AADAT: variants seen among roughly 807,000 people sequenced by gnomAD.
The protein encoded by AADAT is kynurenine/alpha-aminoadipate aminotransferase, mitochondrial.
A neutral mutation model predicts 56.2 loss-of-function variants in AADAT; 25 were observed. That is an observed-to-expected ratio of 0.44 (90% CI 0.32 to 0.62). The LOEUF is 0.62. Among genes scored for constraint, AADAT ranks in the 20% least tolerant of loss-of-function variants. The pLI is 0.04. For synonymous variants in AADAT, 173 were observed against 164.7 expected (o/e 1.05, Z -0.39); for missense variants, 387 against 510.5 (o/e 0.76, Z 2.33).
chr4:170,071,991 A>G (rs936871820), intron 5 of AADAT, among the ~76,000 whole-genome samples: 22 of 152,084 alleles, frequency 1.4e-4, no homozygotes, highest in African/African-American at 5.3e-4. Flanking sequence ...TGGGCATGTT[A>G]AGTGTGAAAT....
At chr4:170,087,080 T>C (rs1342029464) in intron 3 of AADAT, 36 bp downstream of exon 3, 2 of 1,611,936 alleles carry the variant, frequency 1.2e-6, no homozygotes, top group South Asian at 1.1e-5. Flanking sequence ...ATGCTTCCAA[T>C]TCTACATTTT....
intron 3 of AADAT, among the ~76,000 whole-genome samples, chr4:170,084,178 A>C (rs557511884): frequency 6.6e-6 from 1 of 152,310 alleles, no homozygotes; most frequent in African/African-American, 2.4e-5. Context: ...GTGGGAGCTA[A>C]AAAAGTGGAT....
At chr4:170,087,002 A>G in intron 3 of AADAT, 114 bp downstream of exon 3, 3 of 1,411,074 alleles carry the variant, frequency 2.1e-6, no homozygotes, top group Non-Finnish European at 2.9e-6. Context: ...GGTGAAGACA[A>G]GAAAGACTAC....
At chr4:170,067,232 TAGGA>T (rs952708248) in intron 9 of AADAT, 91 bp downstream of exon 9, 8 of 927,700 alleles carry the variant, frequency 8.6e-6, no homozygotes, top group African/African-American at 6.7e-5. Flanking sequence ...CGAGGATACT[TAGGA>T]AGGAAGAATA....
chr4:170,073,025 T>C (rs1731848963), intron 5 of AADAT, 111 bp downstream of exon 5: 2 of 993,984 alleles, frequency 2.0e-6, no homozygotes, highest in East Asian at 5.0e-5. Flanking sequence ...TATTAAAAAT[T>C]ATATTCCTTG....
chr4:170,080,165 T>C (rs1289692160), intron 3 of AADAT, among the ~76,000 whole-genome samples: 3 of 151,984 alleles, frequency 2.0e-5, no homozygotes, highest in Admixed American at 6.6e-5. Flanking sequence ...CTAACAAATA[T>C]ACAGTGCTAA....
chr4:170,077,769 T>G (rs1732107634), intron 4 of AADAT, among the ~76,000 whole-genome samples: 1 of 152,234 alleles, frequency 6.6e-6, no homozygotes, highest in Admixed American at 6.5e-5. Flanking sequence ...CCTAAGGTCA[T>G]GTACAAATAA....
chr4:170,092,490 A>G (rs1322322398), upstream of AADAT, among the ~76,000 whole-genome samples: 1 of 152,202 alleles, frequency 6.6e-6, no homozygotes, highest in Non-Finnish European at 1.5e-5. Flanking sequence ...AACTCTGGAC[A>G]CACTGACTTT....
At chr4:170,088,093 T>C (rs1257098692) in intron 2 of AADAT, among the ~76,000 whole-genome samples, 1 of 151,832 alleles carries the variant, frequency 6.6e-6, no homozygotes, top group East Asian at 2.0e-4. Context: ...TATTTCCTTC[T>C]AGAAGCCTTC....
At position 170,088,475 on chromosome 4, in the gene AADAT, T is replaced by C; in HGVS notation, c.157A>G (p.Ile53Val). The stretch of plus-strand genomic sequence containing the variant: ...ATGGTCTTTCCATTTTCTACAGTGA[T>C]TACGGCAGTCTTAAAAGGAAACATG... ...PNMFPFKTAV[I>V]TVENGKTIQF... Residue 53 changes from isoleucine to valine, a missense_variant, in exon 2 of 13, where the codon ATC becomes GTC. Transcript: ENST00000337664. 1 of 1,613,910 alleles carries C rather than the reference T, an allele frequency of 6.2e-7. No individual in the cohort carries two copies. Among genetic ancestry groups the C allele is most frequent in the Non-Finnish European group, 8.5e-7 (1 of 1,179,822 alleles).
At chr4:170,093,584 G>A (rs1732931653), upstream of AADAT, among the ~76,000 whole-genome samples, 1 of 152,172 alleles carries the variant, frequency 6.6e-6, no homozygotes, top group South Asian at 2.1e-4. Context: ...ATTACTCACA[G>A]GCTATTTATT....
At position 170,089,564 on chromosome 4, in the gene AADAT, C is replaced by A. The variant is rs770563975; in HGVS notation, c.67+60G>T. ...AGCGGTGGCTTGCTAGGGAACCCTCCTTAGAGGCTGTGCGAGGAATGCCCC... is the reference window on the plus strand; with the variant it reads ...AGCGGTGGCTTGCTAGGGAACCCTCATTAGAGGCTGTGCGAGGAATGCCCC... On this transcript the variant is annotated intron_variant, in intron 1 of 12. Transcript: ENST00000337664. The A allele has an allele frequency of 5.3e-5, 85 of 1,603,814 alleles. No individual in the cohort carries two copies. In the South Asian group the frequency reaches 9.1e-4, roughly 17 times the overall value.
chr4:170,068,682 C>A lies in AADAT; in HGVS notation c.809G>T (p.Arg270Ile). The A allele has an allele frequency of 6.3e-7, 1 of 1,588,706 alleles. No homozygotes were observed. The highest frequency in any genetic ancestry group is 1.9e-5 in the Admixed American group (1 of 51,770). Residue 270 changes from arginine (R) to isoleucine (I), a missense_variant, in exon 8 of 13, where the codon AGA (arginine) becomes ATA (isoleucine). By Grantham distance (97) the Arg-to-Ile change is moderately conservative (BLOSUM62 -3). Coordinates refer to ENST00000337664, the MANE Select transcript of AADAT (RefSeq NM_016228.4). The stretch of plus-strand genomic sequence containing the variant: ...TTTTGGACCAGTTAAAAATCCTATT[C>A]TCAACCTACGTGGAAAGAGAAAAGG... ...SFSKIISSGL[R>I]IGFLTGPKPL... is the part of the protein sequence containing the mutation.
chr4:170,062,702 A>G (rs1267906072), intron 11 of AADAT, among the ~76,000 whole-genome samples: 1 of 152,136 alleles, frequency 6.6e-6, no homozygotes, highest in Admixed American at 6.6e-5. Context: ...GCTGTGTGTG[A>G]CCATGAGAGC....
At chr4:170,064,346 G>A (rs1268252509) in intron 11 of AADAT, among the ~76,000 whole-genome samples, 2 of 152,178 alleles carry the variant, frequency 1.3e-5, no homozygotes, top group South Asian at 2.1e-4. Flanking sequence ...CCCTATGAGA[G>A]AGGGATTCTT....
intron 3 of AADAT, among the ~76,000 whole-genome samples, chr4:170,084,396 G>C (rs983957706): frequency 2.0e-5 from 3 of 152,144 alleles, no homozygotes; most frequent in Non-Finnish European, 4.4e-5. Context: ...TGGATGGGGA[G>C]ATCAACGGAG....
chr4:170,091,618 C>G (rs1732839208), upstream of AADAT: 1 of 153,248 alleles, frequency 6.5e-6, no homozygotes, highest in Non-Finnish European at 1.5e-5. Flanking sequence ...GGAGTGCGGG[C>G]TCACAGCCCG....
intron 12 of AADAT, 100 bp downstream of exon 12, chr4:170,061,792 A>C: frequency 1.3e-6 from 1 of 799,618 alleles, no homozygotes. Context: ...TTAGAAACCC[A>C]AACAGATATT....
chr4:170,092,020 T>C (rs945026977), upstream of AADAT, among the ~76,000 whole-genome samples: 2 of 152,204 alleles, frequency 1.3e-5, no homozygotes, highest in African/African-American at 4.8e-5. Context: ...GCTCAGGGAT[T>C]GTAAACGCAC....
Sources: gnomAD v4.1 joint callset for allele counts (sites outside exome capture counted in the v4.1 genomes callset) on GRCh38, gnomAD v4.1.1 for gene constraint, MANE v1.5 for transcripts, NCBI Gene and HGNC (gene_info 2026-07-23, HGNC 2026-07-21) for gene names.